Variants in TCF12 observed in about 807,000 individuals in gnomAD.
TCF12 encodes DNA-binding protein HTF4.
TCF12 carries 45 observed loss-of-function variants against 86.0 expected under a neutral mutation model. The ratio of observed to expected loss-of-function variants is 0.52; its 90% CI spans 0.41 to 0.67. The LOEUF is 0.67. Ranked by LOEUF, TCF12 falls within the 30% of genes least tolerant of loss-of-function variation. The probability of loss-of-function intolerance (pLI) is 0.00; values close to 1 mark genes in which losing one functional copy is unlikely to be tolerated. For missense variants in TCF12, 881 were observed against 859.9 expected, an observed-to-expected ratio of 1.02 and a Z score of -0.31; for synonymous variants, 330 against 299.6, an observed-to-expected ratio of 1.10 and a Z score of -1.05.
chr15:57,127,148 A>G (rs1274727938), intron 5 of TCF12, among the ~76,000 whole-genome samples: 1 of 151,710 alleles, frequency 6.6e-6, no homozygotes, highest in African/African-American at 2.4e-5. Flanking sequence ...ACACCTGGCT[A>G]ATTTTTGTAT....
chr15:56,938,623 A>C (rs1356539474), intron 3 of TCF12, among the ~76,000 whole-genome samples: 1 of 149,062 alleles, frequency 6.7e-6, no homozygotes, highest in African/African-American at 2.5e-5. Context: ...TTCTGCTGTG[A>C]ATCTGTCTGG....
intron 3 of TCF12, among the ~76,000 whole-genome samples, chr15:57,041,093 G>A (rs1314249218): frequency 1.3e-5 from 2 of 152,120 alleles, no homozygotes; most frequent in Non-Finnish European, 2.9e-5. Context: ...TTTGAGGCAG[G>A]ATGTCCTACC....
chr15:57,013,998 T>C (rs2064997111), intron 3 of TCF12, among the ~76,000 whole-genome samples: 1 of 152,192 alleles, frequency 6.6e-6, no homozygotes, highest in Non-Finnish European at 1.5e-5. Flanking sequence ...AAGTTTCTGA[T>C]GGAGAGGACA....
chr15:57,226,930 G>C (rs1038788734), intron 8 of TCF12, among the ~76,000 whole-genome samples: 1 of 152,032 alleles, frequency 6.6e-6, no homozygotes. Flanking sequence ...CTACTGTATT[G>C]TACAGCATAG....
intron 3 of TCF12, among the ~76,000 whole-genome samples, chr15:57,028,827 C>T (rs891688594): frequency 5.9e-5 from 9 of 151,626 alleles, no homozygotes; most frequent in Non-Finnish European, 8.8e-5. Flanking sequence ...TGGAGGCAGT[C>T]TCACTGTGTC....
chr15:57,055,119 G>T (rs1469105792), intron 3 of TCF12, among the ~76,000 whole-genome samples: 7 of 151,814 alleles, frequency 4.6e-5, no homozygotes, highest in African/African-American at 1.7e-4. Context: ...CTTCAACCTG[G>T]GCCAGGTGCG....
intron 6 of TCF12, among the ~76,000 whole-genome samples, chr15:57,184,149 A>G (rs1469130727): frequency 6.6e-6 from 1 of 152,138 alleles, no homozygotes; most frequent in Non-Finnish European, 1.5e-5. Context: ...GCAGCCAAAA[A>G]AAAAAAAGTT....
At chr15:57,219,704 A>C in intron 8 of TCF12, 1 of 554,022 alleles carries the variant, frequency 1.8e-6, no homozygotes, top group South Asian at 2.6e-5. Context: ...TATGCAATGT[A>C]TTAGATTGTA....
intron 18 of TCF12, among the ~76,000 whole-genome samples, chr15:57,271,212 C>T (rs1004818672): frequency 3.3e-4 from 51 of 152,326 alleles, no homozygotes; most frequent in African/African-American, 1.2e-3. Context: ...TGCTAGGCTG[C>T]GGTGGGCTCC....
intron 3 of TCF12, among the ~76,000 whole-genome samples, chr15:56,954,290 G>A (rs899611829): frequency 5.9e-5 from 9 of 152,036 alleles, no homozygotes; most frequent in Admixed American, 2.6e-4. Flanking sequence ...TCTGATCTTT[G>A]ACAAACCTGA....
At chr15:56,986,686 C>G (rs1329416806) in intron 3 of TCF12, among the ~76,000 whole-genome samples, 1 of 152,090 alleles carries the variant, frequency 6.6e-6, no homozygotes, top group African/African-American at 2.4e-5. Context: ...TTATGTATAT[C>G]CTTATATACA....
intron 3 of TCF12, among the ~76,000 whole-genome samples, chr15:56,985,989 A>C (rs2063160712): frequency 6.6e-6 from 1 of 152,142 alleles, no homozygotes; most frequent in African/African-American, 2.4e-5. Flanking sequence ...GGATATTTTG[A>C]GATCACCCAG....
intron 3 of TCF12, among the ~76,000 whole-genome samples, chr15:56,952,142 T>C (rs1170934826): frequency 2.0e-5 from 3 of 151,964 alleles, no homozygotes; most frequent in African/African-American, 7.3e-5. Context: ...TGCATGTTTG[T>C]GAACAAAAAT....
intron 5 of TCF12, among the ~76,000 whole-genome samples, chr15:57,100,193 G>A (rs1374407708): frequency 6.6e-6 from 1 of 152,168 alleles, no homozygotes; most frequent in Non-Finnish European, 1.5e-5. Flanking sequence ...AGTTCTGCCT[G>A]TAGGGAGGTG....
intron 3 of TCF12, among the ~76,000 whole-genome samples, chr15:56,957,919 G>A (rs1208841360): frequency 6.6e-6 from 1 of 152,136 alleles, no homozygotes; most frequent in Non-Finnish European, 1.5e-5. Context: ...TCAGTCTAGG[G>A]TTAATTATTC....
chr15:57,129,654 G>C (rs1777882704), intron 5 of TCF12: 1 of 152,244 alleles, frequency 6.6e-6, no homozygotes, highest in Non-Finnish European at 1.5e-5. Flanking sequence ...AATGGAGATA[G>C]TGGTTCTGGC....
intron 3 of TCF12, among the ~76,000 whole-genome samples, chr15:57,029,989 G>A (rs895265284): frequency 6.6e-6 from 1 of 152,070 alleles, no homozygotes; most frequent in Non-Finnish European, 1.5e-5. Flanking sequence ...AAGGACATTT[G>A]TGTTTTTTAT....
intron 3 of TCF12, among the ~76,000 whole-genome samples, chr15:56,927,060 G>A (rs1174434002): frequency 5.9e-5 from 9 of 152,126 alleles, no homozygotes; most frequent in Non-Finnish European, 2.9e-5. Context: ...GTAAAGGATT[G>A]TTAGAATTTG....
intron 3 of TCF12, among the ~76,000 whole-genome samples, chr15:57,043,551 T>A (rs751776730): frequency 2.0e-5 from 3 of 152,166 alleles, no homozygotes; most frequent in Admixed American, 6.5e-5. Flanking sequence ...GATGATCAGA[T>A]ATGTTGAGCA....
Sources: gnomAD v4.1 joint callset for allele counts (sites outside exome capture counted in the v4.1 genomes callset) on GRCh38, gnomAD v4.1.1 for gene constraint, MANE v1.5 for transcripts, NCBI Gene and HGNC (gene_info 2026-07-23, HGNC 2026-07-21) for gene names.